The following FOXP2 variants were observed in gnomAD, a reference collection of about 807,000 sequenced individuals.
FOXP2 encodes forkhead box protein P2.
In FOXP2, 12 loss-of-function variants were observed where a neutral mutation model predicts 115.8. The observed-to-expected ratio is 0.10, with a 90% CI of 0.07 to 0.17. The LOEUF (loss-of-function observed/expected upper bound fraction) is 0.17. FOXP2 is among the 10% of genes least tolerant of loss of function. The pLI, the probability that FOXP2 is intolerant of heterozygous loss-of-function variation, is 1.00. For missense variants in FOXP2, 629 were observed against 843.5 expected (o/e 0.75, Z 3.15); for synonymous variants, 328 against 297.7 (o/e 1.10, Z -1.05).
At chr7:114,390,855 C>A (rs1420632453) in intron 2 of FOXP2, among the ~76,000 whole-genome samples, 1 of 152,122 alleles carries the variant, frequency 6.6e-6, no homozygotes, top group African/African-American at 2.4e-5. Flanking sequence ...CCTTACCCAG[C>A]CTGCCTCATA....
intron 9 of FOXP2, 147 bp downstream of exon 9, chr7:114,652,437 A>G: frequency 1.4e-6 from 1 of 725,192 alleles, no homozygotes. Flanking sequence ...AGATTGTTTT[A>G]AACAGTGGCA....
At chr7:114,221,802 A>G (rs1261848656) in intron 1 of FOXP2, among the ~76,000 whole-genome samples, 1 of 152,198 alleles carries the variant, frequency 6.6e-6, no homozygotes, top group African/African-American at 2.4e-5. Flanking sequence ...ATGAGGCTCT[A>G]AGACTTCTAG....
intron 2 of FOXP2, among the ~76,000 whole-genome samples, chr7:114,374,061 T>C (rs1792080159): frequency 6.6e-6 from 1 of 152,228 alleles, no homozygotes; most frequent in Admixed American, 6.5e-5. Flanking sequence ...GATATAACTG[T>C]CTTTTAATTT....
At chr7:114,436,690 A>G (rs1020356477) in intron 2 of FOXP2, among the ~76,000 whole-genome samples, 1 of 151,922 alleles carries the variant, frequency 6.6e-6, no homozygotes, top group Non-Finnish European at 1.5e-5. Context: ...AAATAATCAC[A>G]TACATAAATA....
At chr7:114,409,467 A>C (rs1346605408), upstream of FOXP2, among the ~76,000 whole-genome samples, 1 of 152,160 alleles carries the variant, frequency 6.6e-6, no homozygotes, top group Non-Finnish European at 1.5e-5. Context: ...TTTCATCTTT[A>C]AGAAACTTTT....
chr7:114,307,502 T>C (rs1797043056), intron 2 of FOXP2, among the ~76,000 whole-genome samples: 1 of 152,152 alleles, frequency 6.6e-6, no homozygotes, highest in Non-Finnish European at 1.5e-5. Context: ...CCCCCACATA[T>C]ATGCATTCTG....
At chr7:114,335,381 G>A (rs1260351011) in intron 2 of FOXP2, among the ~76,000 whole-genome samples, 1 of 151,776 alleles carries the variant, frequency 6.6e-6, no homozygotes, top group Non-Finnish European at 1.5e-5. Flanking sequence ...TTTCTATAAT[G>A]TCTATAATTT....
At chr7:114,450,324 G>A (rs942272145) in intron 2 of FOXP2, among the ~76,000 whole-genome samples, 3 of 152,090 alleles carry the variant, frequency 2.0e-5, no homozygotes, top group East Asian at 1.9e-4. Flanking sequence ...AATTGCATTT[G>A]TGTTGGAGAC....
intron 1 of FOXP2, among the ~76,000 whole-genome samples, chr7:114,220,129 A>G (rs1028869901): frequency 1.3e-5 from 2 of 150,994 alleles, no homozygotes; most frequent in African/African-American, 4.9e-5. Flanking sequence ...TCAGCCTCCC[A>G]AAGTGCTGGG....
chr7:114,537,458 C>T (rs1204475437), intron 3 of FOXP2, among the ~76,000 whole-genome samples: 1 of 151,422 alleles, frequency 6.6e-6, no homozygotes, highest in Non-Finnish European at 1.5e-5. Flanking sequence ...GATTTCAAAA[C>T]CTGTTTTGAT....
chr7:114,243,693 A>T (rs1795208205), intron 1 of FOXP2, among the ~76,000 whole-genome samples: 2 of 152,186 alleles, frequency 1.3e-5, no homozygotes, highest in South Asian at 4.1e-4. Context: ...CTAACGACCT[A>T]CAGAAAATAA....
Position 114,664,254 on chromosome 7 carries a change from A to G in FOXP2, c.1840-19A>G, listed in dbSNP as rs777165094. 22 of 1,611,946 alleles carry G rather than the reference A, an allele frequency of 1.4e-5. No individual in the cohort carries two copies. The highest frequency in any genetic ancestry group is 1.9e-5 in the Non-Finnish European group (22 of 1,179,442). Reference sequence around the variant, plus strand: ...AATGCCATTTTGAAAGTTGTTTTACACAATCTTCATTTCACTAGGCTGCCT... The same window carrying G: ...AATGCCATTTTGAAAGTTGTTTTACGCAATCTTCATTTCACTAGGCTGCCT... On this transcript the variant is annotated intron_variant, in intron 15 of 16. Coordinates refer to ENST00000350908, the MANE Select transcript of FOXP2 (RefSeq NM_014491.4).
At chr7:114,357,961 T>C (rs952863245) in intron 2 of FOXP2, among the ~76,000 whole-genome samples, 1 of 152,150 alleles carries the variant, frequency 6.6e-6, no homozygotes, top group Non-Finnish European at 1.5e-5. Context: ...TCTTTTTTTG[T>C]TGTTTTTGAT....
rs369383981 is a variant in FOXP2, at chr7:114,318,373, C to G, written c.-11+30264C>G. Among the ~76,000 whole-genome samples, 721 of 114,250 alleles carry G rather than the reference C, an allele frequency of 6.3e-3. 9 individuals are homozygous for G. Among genetic ancestry groups the G allele is most frequent in the African/African-American group, 0.026 (666 of 26,060 alleles). 75.0% of individuals were successfully genotyped at this position (114,250 alleles called of 152,430 possible). ...ATGTTTTCTACTTAGCATGATGTCT[C>G]TCTTTGTTTTTTTTTTTTTTTTTTG... On this transcript the variant is annotated intron_variant, in intron 2 of 17. Transcript: ENST00000634411.
At chr7:114,491,284 T>G (rs900800592) in intron 2 of FOXP2, among the ~76,000 whole-genome samples, 2 of 152,204 alleles carry the variant, frequency 1.3e-5, no homozygotes, top group Non-Finnish European at 2.9e-5. Flanking sequence ...TCATGTGTCT[T>G]TTGGCTGCAT....
At chr7:114,579,832 A>G (rs776476414) in intron 3 of FOXP2, among the ~76,000 whole-genome samples, 13 of 152,232 alleles carry the variant, frequency 8.5e-5, no homozygotes, top group Non-Finnish European at 1.3e-4. Flanking sequence ...CATTTTCAGT[A>G]AAATGATGAG....
At chr7:114,118,605 T>C (rs544326128) in intron 1 of FOXP2, among the ~76,000 whole-genome samples, 9 of 152,208 alleles carry the variant, frequency 5.9e-5, no homozygotes, top group African/African-American at 1.9e-4. Context: ...ATGTAGCCTA[T>C]AGTTTTTAAT....
chr7:114,665,757 A>T (rs1807128864), intron 16 of FOXP2: 1 of 152,126 alleles, frequency 6.6e-6, no homozygotes. Flanking sequence ...AAAGAACATG[A>T]ATATATGCTC....
chr7:114,179,669 T>A (rs1379734926), intron 1 of FOXP2, among the ~76,000 whole-genome samples: 1 of 152,046 alleles, frequency 6.6e-6, no homozygotes, highest in African/African-American at 2.4e-5. Context: ...ACGAAGACTT[T>A]AAAATGGTTG....
Sources: gnomAD v4.1 joint callset for allele counts (sites outside exome capture counted in the v4.1 genomes callset) on GRCh38, gnomAD v4.1.1 for gene constraint, MANE v1.5 for transcripts, NCBI Gene and HGNC (gene_info 2026-07-23, HGNC 2026-07-21) for gene names.